The following OSBPL9 variants were observed in gnomAD, a reference collection of about 807,000 sequenced individuals.
OSBPL9 encodes oxysterol binding protein like 9, also known as oxysterol-binding protein-related protein 9.
A neutral mutation model predicts 106.6 loss-of-function variants in OSBPL9; 40 were observed. The observed-to-expected ratio is 0.38, with a 90% CI of 0.29 to 0.49. OSBPL9 has a LOEUF of 0.49. OSBPL9 is among the 20% of genes least tolerant of loss of function. The pLI, the probability that OSBPL9 is intolerant of heterozygous loss-of-function variation, is 0.97. For missense variants in OSBPL9, 609 were observed against 887.2 expected (o/e 0.69, Z 3.98); for synonymous variants, 269 against 295.4 (o/e 0.91, Z 0.92).
At chr1:51,581,698 C>T (rs529060134) in intron 1 of OSBPL9, among the ~76,000 whole-genome samples, 1 of 152,158 alleles carries the variant, frequency 6.6e-6, no homozygotes, top group African/African-American at 2.4e-5. Flanking sequence ...CCCTGTCACC[C>T]AGGCTGGAGT....
chr1:51,747,553 C>CTTTTTT lies in OSBPL9; in HGVS notation c.463-797_463-792dup, dbSNP rs746109312. Among the ~76,000 whole-genome samples the CTTTTTT allele has an allele frequency of 7.3e-4, 31 of 42,370 alleles. 1 individual carries two copies. Among genetic ancestry groups the CTTTTTT allele is most frequent in the East Asian group, 1.8e-3 (3 of 1,650 alleles). 27.8% of individuals were successfully genotyped at this position (42,370 alleles called of 152,430 possible). On this transcript the variant is annotated intron_variant, in intron 6 of 23. Coordinates refer to ENST00000428468, the MANE Select transcript of OSBPL9 (RefSeq NM_024586.6). ...TAATTAACATTTTTCCTCTCCTTGG[C>CTTTTTT]TTTTTTTTTTTTTTTTTTTTTTTTG... is the stretch of plus-strand genomic sequence containing the variant.
chr1:51,782,827 C>T (rs1571773332), intron 17 of OSBPL9, among the ~76,000 whole-genome samples, 184 bp downstream of exon 17: 3 of 152,214 alleles, frequency 2.0e-5, no homozygotes, highest in Admixed American at 6.5e-5. Flanking sequence ...GCTCCAGACT[C>T]TTAGCTTCAC....
intron 2 of OSBPL9, among the ~76,000 whole-genome samples, chr1:51,662,198 A>T (rs953543982): frequency 6.6e-6 from 1 of 152,198 alleles, no homozygotes; most frequent in Non-Finnish European, 1.5e-5. Context: ...CTAAAAGGGA[A>T]TGAGAGAGGC....
At chr1:51,760,976 T>G (rs1354657912) in intron 10 of OSBPL9, among the ~76,000 whole-genome samples, 196 bp downstream of exon 10, 1 of 152,230 alleles carries the variant, frequency 6.6e-6, no homozygotes, top group East Asian at 1.9e-4. Context: ...TGAAGTGTGA[T>G]GAAAGTGGTT....
At chr1:51,658,370 T>G (rs972704288) in intron 2 of OSBPL9, among the ~76,000 whole-genome samples, 14 of 151,424 alleles carry the variant, frequency 9.2e-5, no homozygotes, top group African/African-American at 3.4e-4. Flanking sequence ...GAATGGTAGT[T>G]TTTTTTTTGT....
intron 4 of OSBPL9, among the ~76,000 whole-genome samples, chr1:51,742,603 G>A (rs1667170007): frequency 6.6e-6 from 1 of 151,550 alleles, no homozygotes; most frequent in African/African-American, 2.4e-5. Flanking sequence ...GGGCTTGGTG[G>A]CACATGCCTA....
chr1:51,538,360 A>T, the OSBPL9 span, among the ~76,000 whole-genome samples: 2 of 152,226 alleles, frequency 1.3e-5, no homozygotes, highest in Admixed American at 6.5e-5. Flanking sequence ...TTCTGCTAAC[A>T]AAAACAATCT....
chr1:51,726,475 G>GGTAATCAC (rs1663143368), intron 4 of OSBPL9, among the ~76,000 whole-genome samples: 1 of 152,040 alleles, frequency 6.6e-6, no homozygotes, highest in Non-Finnish European at 1.5e-5. Context: ...TGACATTAGA[G>GGTAATCAC]CAGAATGTGA....
chr1:51,731,386 G>C (rs193203813), intron 4 of OSBPL9, among the ~76,000 whole-genome samples: 28 of 152,284 alleles, frequency 1.8e-4, no homozygotes, highest in Non-Finnish European at 3.2e-4. Context: ...AGAAGTTTGA[G>C]GTTGCGGTGA....
At chr1:51,558,275 G>A in the OSBPL9 span, among the ~76,000 whole-genome samples, 32 of 133,098 alleles carry the variant, frequency 2.4e-4, no homozygotes, top group Admixed American at 8.8e-4. Context: ...GCCAGACTCC[G>A]TCTCAAAAAG....
chr1:51,767,249 T>G (rs145183036), intron 12 of OSBPL9, among the ~76,000 whole-genome samples: 1 of 150,960 alleles, frequency 6.6e-6, no homozygotes, highest in Non-Finnish European at 1.5e-5. Context: ...AAAAATTAGC[T>G]GAGTGTGGTG....
Position 51,750,167 on chromosome 1 carries a change from A to G in OSBPL9, c.515A>G (p.His172Arg). The change falls in exon 8 of 24, where the codon CAC becomes CGC. Residue 172 changes from histidine (H) to arginine (R), a missense_variant. Transcript: ENST00000428468. ...TAGAGCATGGTAGAATCAATTAAACACTGCATTGTGTTGCTGCAGATTGCC... is the reference window on the plus strand; with the variant it reads ...TAGAGCATGGTAGAATCAATTAAACGCTGCATTGTGTTGCTGCAGATTGCC... Reference protein sequence around the residue: ...TTNSMVESIKHCIVLLQIAKD... With the variant: ...TTNSMVESIKRCIVLLQIAKD... The G allele has an allele frequency of 3.1e-6, 5 of 1,608,154 alleles. No individual in the cohort carries two copies. Among genetic ancestry groups the G allele is most frequent in the Non-Finnish European group, 4.2e-6 (5 of 1,177,514 alleles).
chr1:51,658,788 A>G (rs527708251), intron 2 of OSBPL9, among the ~76,000 whole-genome samples: 9 of 152,120 alleles, frequency 5.9e-5, no homozygotes, highest in African/African-American at 2.2e-4. Context: ...TTTTAGGTTA[A>G]TGTATAACCT....
chr1:51,692,316 T>C (rs1030395829), intron 3 of OSBPL9, among the ~76,000 whole-genome samples: 5 of 152,148 alleles, frequency 3.3e-5, no homozygotes, highest in African/African-American at 1.2e-4. Flanking sequence ...TCGTCTGAAA[T>C]AAATAAGTAT....
At chr1:51,584,321 A>G (rs546738625) in intron 1 of OSBPL9, among the ~76,000 whole-genome samples, 12 of 152,282 alleles carry the variant, frequency 7.9e-5, no homozygotes, top group Non-Finnish European at 1.3e-4. Context: ...ATTCAACAAA[A>G]TTTCTGCACA....
At chr1:51,658,123 A>G (rs868863423) in intron 2 of OSBPL9, among the ~76,000 whole-genome samples, 1 of 151,990 alleles carries the variant, frequency 6.6e-6, no homozygotes, top group Non-Finnish European at 1.5e-5. Flanking sequence ...AAAAAAAAAA[A>G]AAAGTAGGGT....
intron 3 of OSBPL9, among the ~76,000 whole-genome samples, chr1:51,711,810 T>C (rs1259793022): frequency 7.0e-6 from 1 of 142,228 alleles, no homozygotes; most frequent in Non-Finnish European, 1.5e-5. Flanking sequence ...ACATCTCAGA[T>C]GATGGGCGGC....
chr1:51,564,455 G>A, the OSBPL9 span, among the ~76,000 whole-genome samples: 3 of 152,094 alleles, frequency 2.0e-5, no homozygotes, highest in Non-Finnish European at 4.4e-5. Context: ...GCCTGTGTCA[G>A]TCCTTCCTTG....
chr1:51,739,830 G>A (rs1666496602), intron 4 of OSBPL9, among the ~76,000 whole-genome samples: 2 of 151,918 alleles, frequency 1.3e-5, no homozygotes, highest in Non-Finnish European at 1.5e-5. Flanking sequence ...AGATTAGTGT[G>A]CCTCACATAA....
Sources: gnomAD v4.1 joint callset for allele counts (sites outside exome capture counted in the v4.1 genomes callset) on GRCh38, gnomAD v4.1.1 for gene constraint, MANE v1.5 for transcripts, NCBI Gene and HGNC (gene_info 2026-07-23, HGNC 2026-07-21) for gene names.